Variants in ITPK1 observed in about 807,000 individuals in gnomAD.
ITPK1 encodes inositol 1,3,4-trisphosphate 5/6-kinase.
Under a neutral mutation model 45.3 loss-of-function variants are expected in ITPK1, and 21 were observed. That is an observed-to-expected ratio of 0.46 (90% CI 0.33 to 0.67). ITPK1 has a LOEUF of 0.67. Ranked by LOEUF, ITPK1 falls within the 30% of genes least tolerant of loss-of-function variation. The pLI, the probability that ITPK1 is intolerant of heterozygous loss-of-function variation, is 0.02. For missense variants in ITPK1, 474 were observed against 573.5 expected, an observed-to-expected ratio of 0.83 and a Z score of 1.77; for synonymous variants, 258 against 253.6, an observed-to-expected ratio of 1.02 and a Z score of -0.16.
chr14:93,107,460 C>CGGCGAGA (rs1326855304), intron 2 of ITPK1, among the ~76,000 whole-genome samples: 39 of 152,184 alleles, frequency 2.6e-4, no homozygotes, highest in African/African-American at 9.2e-4. Context: ...AAGATTCTGA[C>CGGCGAGA]GGCGAGAGAG....
At chr14:93,073,712 T>C (rs1031909961) in intron 3 of ITPK1, among the ~76,000 whole-genome samples, 1 of 152,092 alleles carries the variant, frequency 6.6e-6, no homozygotes, top group Non-Finnish European at 1.5e-5. Flanking sequence ...GAGGAGACCG[T>C]TCAGCAGAAA....
chr14:93,054,598 G>A (rs1260685725), intron 3 of ITPK1, among the ~76,000 whole-genome samples: 1 of 152,210 alleles, frequency 6.6e-6, no homozygotes, highest in African/African-American at 2.4e-5. Context: ...AGAGGCTCCA[G>A]TCCAGTGAAG....
At chr14:93,054,975 C>T (rs1302456926) in intron 3 of ITPK1, among the ~76,000 whole-genome samples, 1 of 152,146 alleles carries the variant, frequency 6.6e-6, no homozygotes, top group African/African-American at 2.4e-5. Flanking sequence ...CATTCCCACC[C>T]GGCACCTTGT....
At chr14:93,059,785 C>T (rs2749510) in intron 3 of ITPK1, among the ~76,000 whole-genome samples, 11 of 64,784 alleles carry the variant, frequency 1.7e-4, no homozygotes, top group African/African-American at 7.1e-4. Context: ...GTGCTGGTCA[C>T]GAGGCAGGGG....
intron 3 of ITPK1, among the ~76,000 whole-genome samples, chr14:93,026,627 C>T (rs925282484): frequency 1.3e-5 from 2 of 152,230 alleles, no homozygotes; most frequent in African/African-American, 4.8e-5. Flanking sequence ...GAGCTGATCT[C>T]ACAGGGTGAA....
rs146061230 is a variant in ITPK1, at chr14:93,021,670, G to A, written c.121-4869C>T. ...TCCATGCCAGTGGTGTGTTTTCAGT[G>A]GGTTTGATTCCAAAGGAAGACTGGA... is the stretch of plus-strand genomic sequence containing the variant. On this transcript the variant is annotated intron_variant, in intron 3 of 10. Coordinates refer to ENST00000267615, the MANE Select transcript of ITPK1 (RefSeq NM_014216.6). Among the ~76,000 whole-genome samples the A allele has an allele frequency of 1.8e-3, 277 of 152,256 alleles. 1 individual carries two copies. The highest frequency in any genetic ancestry group is 6.4e-3 in the African/African-American group (267 of 41,536).
intron 4 of ITPK1, among the ~76,000 whole-genome samples, chr14:93,009,057 G>A (rs2139840162): frequency 6.6e-6 from 1 of 152,210 alleles, no homozygotes; most frequent in African/African-American, 2.4e-5. Context: ...AACATCTGGA[G>A]ACATTTTTGG....
chr14:93,100,789 C>T (rs1892283970), intron 2 of ITPK1, among the ~76,000 whole-genome samples: 1 of 152,148 alleles, frequency 6.6e-6, no homozygotes, highest in Non-Finnish European at 1.5e-5. Flanking sequence ...GCTGACGAGA[C>T]CCCAATGACT....
intron 3 of ITPK1, among the ~76,000 whole-genome samples, chr14:93,021,110 CA>C (rs1474591432): frequency 6.6e-6 from 1 of 152,000 alleles, no homozygotes. Flanking sequence ...TTGTCCCAAC[CA>C]AGCTTGAGAC....
Position 92,938,553 on chromosome 14 carries a change from C to G in ITPK1, c.*3008G>C, listed in dbSNP as rs201006858. ...TGGGTACAGAGAGGAATGTTTTTCC[C>G]AGGTTGCTTTCTCCTTTATTGACAG... On this transcript the variant is annotated 3_prime_UTR_variant, in exon 11 of 11. Coordinates refer to ENST00000267615, the MANE Select transcript of ITPK1 (RefSeq NM_014216.6). 18 of 1,604,748 alleles carry G rather than the reference C, an allele frequency of 1.1e-5. No individual in the cohort carries two copies. The African/African-American group carries it at 2.4e-4, about 21-fold the overall frequency.
At chr14:93,059,298 G>A (rs1595177103) in intron 3 of ITPK1, among the ~76,000 whole-genome samples, 1 of 50,106 alleles carries the variant, frequency 2.0e-5, no homozygotes, top group African/African-American at 9.0e-5. Flanking sequence ...TATGGGTGAC[G>A]AAGCAGGGGT....
intron 3 of ITPK1, among the ~76,000 whole-genome samples, chr14:93,044,665 G>A (rs1257877438): frequency 1.3e-5 from 2 of 152,186 alleles, no homozygotes; most frequent in African/African-American, 4.8e-5. Flanking sequence ...CAACCCTGTG[G>A]GGCTGTAGAT....
chr14:93,109,441 A>G (rs1283969478), intron 2 of ITPK1, among the ~76,000 whole-genome samples: 1 of 152,000 alleles, frequency 6.6e-6, no homozygotes, highest in Non-Finnish European at 1.5e-5. Context: ...AGTCCTCTGA[A>G]TTTTTTTTAA....
chr14:93,060,559 G>T (rs1890474310), intron 3 of ITPK1, among the ~76,000 whole-genome samples: 1 of 152,206 alleles, frequency 6.6e-6, no homozygotes, highest in Admixed American at 6.5e-5. Context: ...GAATGGAGGG[G>T]ACCCTGCTCT....
chr14:93,017,927 C>T (rs746103600), intron 3 of ITPK1, among the ~76,000 whole-genome samples: 11 of 152,200 alleles, frequency 7.2e-5, no homozygotes, highest in Non-Finnish European at 1.2e-4. Flanking sequence ...AAGTGGAGGA[C>T]GGAGACTTTT....
chr14:93,028,016 T>A (rs969479001), intron 3 of ITPK1, among the ~76,000 whole-genome samples: 1 of 152,242 alleles, frequency 6.6e-6, no homozygotes, highest in East Asian at 1.9e-4. Flanking sequence ...AAACCGGCAC[T>A]GTGGGTCCAT....
At chr14:93,018,676 CT>C (rs1888313864) in intron 3 of ITPK1, among the ~76,000 whole-genome samples, 2 of 152,168 alleles carry the variant, frequency 1.3e-5, no homozygotes, top group African/African-American at 4.8e-5. Flanking sequence ...CTCTGGGGCT[CT>C]TGGGTGAGGA....
chr14:93,003,335 C>T (rs1158798315), intron 4 of ITPK1, among the ~76,000 whole-genome samples: 3 of 152,204 alleles, frequency 2.0e-5, no homozygotes, highest in Non-Finnish European at 4.4e-5. Context: ...GTGAAACCAA[C>T]CCCTGTTGAT....
chr14:93,011,511 C>T lies in ITPK1; in HGVS notation c.246+5165G>A, dbSNP rs184492165. Among the ~76,000 whole-genome samples, 438 of 152,318 alleles carry T rather than the reference C, an allele frequency of 2.9e-3. 4 individuals are homozygous for T. The highest frequency in any genetic ancestry group is 9.9e-3 in the African/African-American group (413 of 41,562). On this transcript the variant is annotated intron_variant, in intron 4 of 10. Coordinates refer to ENST00000267615, the MANE Select transcript of ITPK1 (RefSeq NM_014216.6). ...GTGTGGCCAAGTGTGCATTCTCTTCCGGCATCCTTCGGGGCAGGAGCTTCC... is the reference window on the plus strand; with the variant it reads ...GTGTGGCCAAGTGTGCATTCTCTTCTGGCATCCTTCGGGGCAGGAGCTTCC...
Sources: gnomAD v4.1 joint callset for allele counts (sites outside exome capture counted in the v4.1 genomes callset) on GRCh38, gnomAD v4.1.1 for gene constraint, MANE v1.5 for transcripts, NCBI Gene and HGNC (gene_info 2026-07-23, HGNC 2026-07-21) for gene names.